Variants in MRPL3 observed in about 807,000 individuals in gnomAD.
MRPL3 encodes mitochondrial ribosomal protein L3.
A neutral mutation model predicts 44.3 loss-of-function variants in MRPL3; 43 were observed. The ratio of observed to expected loss-of-function variants is 0.97; its 90% CI spans 0.76 to 1.25. MRPL3 has a LOEUF of 1.25. Among genes scored for constraint, MRPL3 ranks in the 50% most tolerant of loss-of-function variants. The pLI, the probability that MRPL3 is intolerant of heterozygous loss-of-function variation, is 0.00. For synonymous variants in MRPL3, 171 were observed against 152.3 expected, an observed-to-expected ratio of 1.12 and a Z score of -0.91; for missense variants, 406 against 427.6, an observed-to-expected ratio of 0.95 and a Z score of 0.45.
At chr3:131,495,627 AAAATGTGTGAACAGCCTC>A (rs1934350593) in intron 4 of MRPL3, among the ~76,000 whole-genome samples, 1 of 152,154 alleles carries the variant, frequency 6.6e-6, no homozygotes, top group African/African-American at 2.4e-5. Context: ...TAAAGAGAAA[AAAATGTGTGAACAGCCTC>A]GACTATGAAA....
In MRPL3 at chr3:131,502,713, C is replaced by A. The variant is rs1243377161; in HGVS notation, c.92+17G>T. 2 of 1,599,894 alleles carry A rather than the reference C, an allele frequency of 1.3e-6. No individual in the cohort carries two copies. Among genetic ancestry groups the A allele is most frequent in the Non-Finnish European group, 1.7e-6 (2 of 1,170,662 alleles). On this transcript the variant is annotated intron_variant, in intron 1 of 9. Coordinates refer to ENST00000264995, the MANE Select transcript of MRPL3 (RefSeq NM_007208.4). ...AGGACGCAACTGTGCAGGTAGGACA[C>A]CCTCACACCTTCCTACCTGTTCCCC... is the stretch of plus-strand genomic sequence containing the variant.
At chr3:131,471,044 G>A in intron 7 of MRPL3, 127 bp downstream of exon 7, 1 of 648,282 alleles carries the variant, frequency 1.5e-6, no homozygotes, top group South Asian at 1.9e-5. Context: ...ATAAAAGGGT[G>A]ACAAGTACAT....
chr3:131,501,203 A>C (rs1251097359), intron 2 of MRPL3, among the ~76,000 whole-genome samples: 11 of 152,228 alleles, frequency 7.2e-5, no homozygotes. Context: ...TCCATGCAAC[A>C]CATTACAATT....
chr3:131,483,071 T>G (rs1417617412), intron 6 of MRPL3, among the ~76,000 whole-genome samples: 1 of 151,778 alleles, frequency 6.6e-6, no homozygotes, highest in Non-Finnish European at 1.5e-5. Context: ...ATGCTGAGGA[T>G]AGAATTAACA....
intron 4 of MRPL3, among the ~76,000 whole-genome samples, chr3:131,495,714 T>C (rs1934352837): frequency 6.6e-6 from 1 of 152,200 alleles, no homozygotes; most frequent in African/African-American, 2.4e-5. Flanking sequence ...ATACTATTAG[T>C]ATTACTTTCA....
At chr3:131,474,714 T>G (rs1933816094) in intron 6 of MRPL3, among the ~76,000 whole-genome samples, 1 of 151,432 alleles carries the variant, frequency 6.6e-6, no homozygotes, top group Non-Finnish European at 1.5e-5. Context: ...TCAGTATAAA[T>G]GACACAATAA....
chr3:131,501,774 T>C (rs1934502461), intron 1 of MRPL3, 59 bp from the exon 2 acceptor site: 1 of 1,590,534 alleles, frequency 6.3e-7, no homozygotes, highest in East Asian at 2.2e-5. Context: ...CTCCACTTAA[T>C]ATAGAAAAGG....
chr3:131,474,741 T>C (rs1463513054), intron 6 of MRPL3, among the ~76,000 whole-genome samples: 2 of 151,698 alleles, frequency 1.3e-5, no homozygotes, highest in Admixed American at 1.3e-4. Flanking sequence ...TGGAAAAAAT[T>C]CTCAGACTGT....
At chr3:131,464,685 T>C (rs971793765) in intron 9 of MRPL3, among the ~76,000 whole-genome samples, 2 of 152,204 alleles carry the variant, frequency 1.3e-5, no homozygotes, top group African/African-American at 4.8e-5. Context: ...TAAACAATAG[T>C]TCTTTAGTCT....
intron 4 of MRPL3, among the ~76,000 whole-genome samples, chr3:131,496,367 G>A (rs1285126824): frequency 1.3e-5 from 2 of 152,038 alleles, no homozygotes; most frequent in Admixed American, 1.3e-4. Flanking sequence ...AGAATAGCAG[G>A]ACAGATATTA....
At chr3:131,473,092 C>A (rs891445908) in intron 6 of MRPL3, among the ~76,000 whole-genome samples, 3 of 152,160 alleles carry the variant, frequency 2.0e-5, no homozygotes, top group Admixed American at 1.3e-4. Flanking sequence ...ACAAAAGACA[C>A]TGAATAGCCA....
rs992021705 is a variant in MRPL3 at position 131,502,736 on chromosome 3, C to G, written c.86G>C (p.Gly29Ala). The G allele has an allele frequency of 1.2e-6, 2 of 1,609,082 alleles. No homozygotes were observed. Among genetic ancestry groups the G allele is most frequent in the Admixed American group, 1.7e-5 (1 of 59,446 alleles). The change falls in exon 1 of 10, where the codon GGG (glycine) becomes GCG (alanine). Residue 29 changes from glycine (G) to alanine (A), a missense_variant. Physicochemically the swap from Gly to Ala is moderately conservative, Grantham distance 60. Coordinates refer to ENST00000264995, the MANE Select transcript of MRPL3 (RefSeq NM_007208.4). ...GDGLGAALGP[G>A]NRTHIWLFVR... The stretch of plus-strand genomic sequence containing the variant: ...CACCCTCACACCTTCCTACCTGTTC[C>G]CCGGGCCCAGGGCAGCACCCAGGCC...
intron 5 of MRPL3, 86 bp from the exon 6 acceptor site, chr3:131,487,826 T>C: frequency 9.8e-7 from 1 of 1,016,328 alleles, no homozygotes; most frequent in South Asian, 1.5e-5. Flanking sequence ...CCAGGAAGGC[T>C]TCTAGCTGAT....
chr3:131,489,947 T>A (rs369792602), intron 5 of MRPL3, 34 bp downstream of exon 5: 10 of 1,412,016 alleles, frequency 7.1e-6, no homozygotes, highest in African/African-American at 2.8e-5. Flanking sequence ...ATTTGGGTAT[T>A]TTTACCTCCC....
intron 2 of MRPL3, among the ~76,000 whole-genome samples, chr3:131,501,039 C>A (rs1934487624): frequency 6.6e-6 from 1 of 152,192 alleles, no homozygotes; most frequent in African/African-American, 2.4e-5. Context: ...TCGACTGTCA[C>A]AATAAACCCT....
intron 4 of MRPL3, among the ~76,000 whole-genome samples, chr3:131,497,267 T>C (rs1238443220): frequency 6.6e-6 from 1 of 152,342 alleles, no homozygotes; most frequent in East Asian, 1.9e-4. Context: ...GTTAGTTAAC[T>C]GCGTTAGCCT....
chr3:131,490,776 G>C (rs558700737), intron 4 of MRPL3, among the ~76,000 whole-genome samples: 1 of 152,310 alleles, frequency 6.6e-6, no homozygotes, highest in East Asian at 1.9e-4. Flanking sequence ...GAGAGCTTCT[G>C]GAAAATGCCA....
Position 131,463,199 on chromosome 3 carries a change from A to G in MRPL3, c.895-324T>C, listed in dbSNP as rs1933529506. ...TACTACTTGAATTTCATTTATATGG[A>G]TTCATTTTCAAATATAATGACCTGA... is the stretch of plus-strand genomic sequence containing the variant. On this transcript the variant is annotated intron_variant, in intron 9 of 9. Coordinates refer to ENST00000264995, the MANE Select transcript of MRPL3 (RefSeq NM_007208.4). Among the ~76,000 whole-genome samples the G allele has an allele frequency of 1.3e-5, 2 of 152,142 alleles. 1 individual carries two copies. Among genetic ancestry groups the G allele is most frequent in the African/African-American group, 4.8e-5 (2 of 41,436 alleles).
At chr3:131,473,261 C>T (rs1348036669) in intron 6 of MRPL3, among the ~76,000 whole-genome samples, 5 of 151,984 alleles carry the variant, frequency 3.3e-5, no homozygotes, top group African/African-American at 4.8e-5. Context: ...ATTCACACAT[C>T]ACGGGCAATT....
Sources: gnomAD v4.1 joint callset for allele counts (sites outside exome capture counted in the v4.1 genomes callset) on GRCh38, gnomAD v4.1.1 for gene constraint, MANE v1.5 for transcripts, NCBI Gene and HGNC (gene_info 2026-07-23, HGNC 2026-07-21) for gene names.